Variants in DMD observed in about 807,000 individuals in gnomAD.
DMD encodes the protein mutant dystrophin.
Under a neutral mutation model 330.1 loss-of-function variants are expected in DMD, and 63 were observed. The ratio of observed to expected loss-of-function variants is 0.19; its 90% CI spans 0.16 to 0.24. The LOEUF is 0.24. Among genes scored for constraint, DMD ranks in the 10% least tolerant of loss-of-function variants. The pLI is 1.00. For synonymous variants in DMD, 1,223 were observed against 959.8 expected, an observed-to-expected ratio of 1.27 and a Z score of -5.07; for missense variants, 3,344 against 2,684.1, an observed-to-expected ratio of 1.25 and a Z score of -5.43.
chrX:32,520,152 A>G (rs993238859), intron 17 of DMD, among the ~76,000 whole-genome samples: 3 of 111,856 alleles, frequency 2.7e-5, no homozygotes, highest in Non-Finnish European at 5.6e-5. Context: ...TTATTGTGTC[A>G]TATATGATTT....
intron 30 of DMD, among the ~76,000 whole-genome samples, chrX:32,410,808 A>G (rs991272280): frequency 1.8e-5 from 2 of 112,584 alleles, no homozygotes; most frequent in Admixed American, 9.5e-5. Flanking sequence ...TACTTCTTAC[A>G]GTGAATGTAA....
intron 1 of DMD, among the ~76,000 whole-genome samples, chrX:33,305,875 A>T (rs979788316): frequency 2.7e-5 from 3 of 112,108 alleles, no homozygotes; most frequent in Non-Finnish European, 5.6e-5. Flanking sequence ...TTCCTGGTTG[A>T]GTGTTTATGC....
intron 74 of DMD, 94 bp from the exon 75 acceptor site, chrX:31,147,612 A>G (rs1465850940): frequency 1.5e-6 from 1 of 682,689 alleles, no homozygotes; most frequent in Non-Finnish European, 2.2e-6. Flanking sequence ...AATTTTATAT[A>G]CCATGGTAGA....
intron 55 of DMD, chrX:31,508,113 T>C: frequency 2.9e-6 from 2 of 691,280 alleles, no homozygotes; most frequent in Admixed American, 2.8e-5. Flanking sequence ...GGAAAGTACA[T>C]AGGACCTTGG....
intron 44 of DMD, among the ~76,000 whole-genome samples, chrX:32,042,722 C>A (rs186176186): frequency 3.0e-4 from 33 of 111,697 alleles, no homozygotes; most frequent in Admixed American, 2.7e-3. Flanking sequence ...TACGGCTGTA[C>A]AAGTAAATAA....
At position 33,314,575 on chromosome X, in the gene DMD, T is replaced by TG. The variant is rs758735588; in HGVS notation, c.7+24683_7+24684insC. Among the ~76,000 whole-genome samples, 40 of 99,095 alleles carry TG rather than the reference T, an allele frequency of 4.0e-4. 1 individual carries two copies. Among genetic ancestry groups the TG allele is most frequent in the Non-Finnish European group, 7.3e-4 (36 of 49,334 alleles). 86.1% of individuals were successfully genotyped at this position (99,095 alleles called of 115,157 possible). ...GCCCAGCCTGTTTTTTTTTTGTTTT[T>TG]TTTTTTTTTTTTATCTTTCTTAGAG... On this transcript the variant is annotated intron_variant, in intron 1 of 17. Transcript: ENST00000288447.
chrX:31,737,076 T>C (rs2086928515), intron 51 of DMD, among the ~76,000 whole-genome samples: 1 of 112,015 alleles, frequency 8.9e-6, no homozygotes, highest in East Asian at 2.8e-4. Flanking sequence ...AGGTGGGTAC[T>C]AATATTGCCC....
chrX:32,911,280 G>A (rs2087216796), intron 2 of DMD, among the ~76,000 whole-genome samples: 2 of 111,772 alleles, frequency 1.8e-5, no homozygotes, highest in South Asian at 7.4e-4. Context: ...ACTGGCGGTG[G>A]GAAAGAGAGG....
intron 57 of DMD, among the ~76,000 whole-genome samples, chrX:31,488,771 T>C (rs2069016867): frequency 1.8e-5 from 2 of 111,893 alleles, no homozygotes. Context: ...GTGTCTTCAG[T>C]TTCGCTCTTT....
chrX:31,971,802 A>G (rs2095401506), intron 44 of DMD, among the ~76,000 whole-genome samples: 1 of 112,025 alleles, frequency 8.9e-6, no homozygotes, highest in African/African-American at 3.2e-5. Context: ...TGAATTATTC[A>G]TTACCAATAA....
rs748811241 is a variant in DMD, at chrX:32,364,705, G to A, written c.5031C>T (p.Tyr1677=). ...GGTCAAAAGTTTCCATGTGTTTCTG[G>A]TATTCCTTAATTGTACAGAGACATA... ...AEEWLNLLLE[Y]QKHMETFDQN... The change falls in exon 36 of 79, where the codon TAC becomes TAT. Residue 1677 remains tyrosine, a synonymous_variant. Coordinates refer to ENST00000357033, the MANE Select transcript of DMD (RefSeq NM_004006.3). 8.3e-7 allele frequency: 1 copy of A among 1,206,544 alleles called. No individual in the cohort carries two copies. Among genetic ancestry groups the A allele is most frequent in the Admixed American group, 2.2e-5 (1 of 45,646 alleles).
At chrX:31,349,341 C>G (rs2148496781) in intron 60 of DMD, among the ~76,000 whole-genome samples, 1 of 112,229 alleles carries the variant, frequency 8.9e-6, no homozygotes. Context: ...CCTAGGGAGG[C>G]TGAGGCAGGA....
chrX:31,353,440 T>G (rs904236783), intron 60 of DMD, among the ~76,000 whole-genome samples: 2 of 111,702 alleles, frequency 1.8e-5, no homozygotes, highest in Non-Finnish European at 3.8e-5. Context: ...TTACTAGACT[T>G]GGGTTGATAT....
intron 47 of DMD, among the ~76,000 whole-genome samples, chrX:31,881,839 G>C: frequency 8.9e-6 from 1 of 111,765 alleles, no homozygotes; most frequent in Middle Eastern, 4.6e-3. Context: ...ACATTTTTCA[G>C]AACATATCTC....
chrX:33,305,539 C>T (rs996446402), intron 1 of DMD, among the ~76,000 whole-genome samples: 1 of 99,764 alleles, frequency 1.0e-5, no homozygotes, highest in Admixed American at 1.1e-4. Context: ...GCACATTGTG[C>T]ACATGTACCC....
chrX:32,129,686 A>G (rs890983698), intron 44 of DMD, among the ~76,000 whole-genome samples: 1 of 98,626 alleles, frequency 1.0e-5, no homozygotes, highest in Admixed American at 1.2e-4. Flanking sequence ...ATATATATAC[A>G]TCTATATATA....
At chrX:32,651,012 C>T (rs1033181418) in intron 9 of DMD, among the ~76,000 whole-genome samples, 2 of 111,965 alleles carry the variant, frequency 1.8e-5, no homozygotes, top group Admixed American at 9.5e-5. Context: ...ACTGGTGGTT[C>T]TGGGACTTAA....
intron 11 of DMD, among the ~76,000 whole-genome samples, chrX:32,636,723 G>T (rs1284090299): frequency 1.8e-5 from 2 of 111,857 alleles, no homozygotes; most frequent in African/African-American, 6.5e-5. Flanking sequence ...GCCAGGCGTG[G>T]TGGCTCATGC....
intron 44 of DMD, among the ~76,000 whole-genome samples, chrX:32,147,127 C>T (rs1296450565): frequency 9.0e-6 from 1 of 111,697 alleles, no homozygotes; most frequent in Admixed American, 9.5e-5. Flanking sequence ...ATATACCCAC[C>T]ATGCAGATCC....
Sources: gnomAD v4.1 joint callset for allele counts (sites outside exome capture counted in the v4.1 genomes callset) on GRCh38, gnomAD v4.1.1 for gene constraint, MANE v1.5 for transcripts, NCBI Gene and HGNC (gene_info 2026-07-23, HGNC 2026-07-21) for gene names.